CHCHD6: variants seen among roughly 807,000 people sequenced by gnomAD.
CHCHD6 encodes the protein MICOS complex subunit MIC25.
CHCHD6 carries 28 observed loss-of-function variants against 32.3 expected under a neutral mutation model. That is an observed-to-expected ratio of 0.87 (90% CI 0.64 to 1.19). The LOEUF (loss-of-function observed/expected upper bound fraction) is 1.19, where lower values mean the gene tolerates loss of function less well. Ranked by LOEUF, CHCHD6 falls within the 50% of genes most tolerant of loss-of-function variation. The probability of loss-of-function intolerance (pLI) is 0.00; values close to 1 mark genes in which losing one functional copy is unlikely to be tolerated. For synonymous variants in CHCHD6, 122 were observed against 117.5 expected, an observed-to-expected ratio of 1.04 and a Z score of -0.25; for missense variants, 333 against 307.0, an observed-to-expected ratio of 1.08 and a Z score of -0.63.
chr3:126,780,029 CCAATG>C (rs1937856597), intron 4 of CHCHD6, among the ~76,000 whole-genome samples: 1 of 152,174 alleles, frequency 6.6e-6, no homozygotes, highest in Non-Finnish European at 1.5e-5. Context: ...CCAGATCCTG[CCAATG>C]AGCTTATATC....
At chr3:126,764,739 G>A (rs544344911) in intron 4 of CHCHD6, among the ~76,000 whole-genome samples, 12 of 152,246 alleles carry the variant, frequency 7.9e-5, no homozygotes, top group Non-Finnish European at 1.6e-4. Flanking sequence ...CCTGGGTTGC[G>A]TTCCAGGAAA....
intron 1 of CHCHD6, among the ~76,000 whole-genome samples, chr3:126,725,328 A>T (rs1225971745): frequency 6.6e-6 from 1 of 152,212 alleles, no homozygotes; most frequent in African/African-American, 2.4e-5. Context: ...GTGCATTGTC[A>T]AGGAGCAGTA....
chr3:126,957,459 A>T lies in CHCHD6; in HGVS notation c.610A>T (p.Ile204Phe). ...EPVCSGLQAQ[I>F]LHCYRDRPHE... ...CGTCTGCTCAGGGTTGCAGGCCCAG[A>T]TTCTCCACTGCTACCGAGATCGCCC... The change falls in exon 7 of 8, where the codon ATT becomes TTT. Residue 204 changes from isoleucine (I) to phenylalanine (F), a missense_variant. Ile to Phe is a conservative substitution (Grantham distance 21, BLOSUM62 0). Transcript: ENST00000290913. 1 of 1,611,292 alleles carries T rather than the reference A, an allele frequency of 6.2e-7. No homozygotes were observed. The highest frequency in any genetic ancestry group is 2.2e-5 in the East Asian group (1 of 44,710).
chr3:126,723,077 C>A (rs1462410089), intron 1 of CHCHD6, among the ~76,000 whole-genome samples: 5 of 152,194 alleles, frequency 3.3e-5, no homozygotes, highest in African/African-American at 4.8e-5. Context: ...CCCCACTGAA[C>A]CATCTTGGCA....
intron 1 of CHCHD6, among the ~76,000 whole-genome samples, chr3:126,722,886 G>A (rs1451149041): frequency 2.6e-5 from 4 of 152,156 alleles, no homozygotes; most frequent in Non-Finnish European, 5.9e-5. Flanking sequence ...CAAAGCCAAG[G>A]TCATAATGAT....
rs534275898 is a variant in CHCHD6 at position 126,807,492 on chromosome 3, C to T, written c.412-45155C>T. Among the ~76,000 whole-genome samples, 11 of 152,068 alleles carry T rather than the reference C, an allele frequency of 7.2e-5. No homozygotes were observed. In the East Asian group the frequency reaches 1.9e-3, roughly 27 times the overall value. On this transcript the variant is annotated intron_variant, in intron 4 of 7. Transcript: ENST00000290913. ...GAGTAATTAGAACAAAAAGACAAAG[C>T]AATAGAAAATATGAGAGAAACATTA...
intron 4 of CHCHD6, among the ~76,000 whole-genome samples, chr3:126,826,135 G>A (rs1402915214): frequency 6.6e-6 from 1 of 152,162 alleles, no homozygotes; most frequent in Non-Finnish European, 1.5e-5. Flanking sequence ...ATGATTCAAG[G>A]TAACACCAAT....
At chr3:126,815,533 A>G (rs1939850873) in intron 4 of CHCHD6, among the ~76,000 whole-genome samples, 1 of 151,884 alleles carries the variant, frequency 6.6e-6, no homozygotes, top group African/African-American at 2.4e-5. Context: ...CCTCTGTGCC[A>G]TTGCAAGGCC....
chr3:126,729,598 C>T lies in CHCHD6; in HGVS notation c.197-963C>T, dbSNP rs150683872. On this transcript the variant is annotated intron_variant, in intron 2 of 7. Transcript: ENST00000290913. ...CCCCGCAGCAGGCTCCTGAGTTCACCTCAGTTGAGAACCTGGTGTGTTGCT... is the reference window on the plus strand; with the variant it reads ...CCCCGCAGCAGGCTCCTGAGTTCACTTCAGTTGAGAACCTGGTGTGTTGCT... Among the ~76,000 whole-genome samples, 785 of 152,310 alleles carry T rather than the reference C, an allele frequency of 5.2e-3. 9 individuals are homozygous for T. The highest frequency in any genetic ancestry group is 0.018 in the African/African-American group (751 of 41,548).
At chr3:126,886,375 C>G (rs1048318223) in intron 5 of CHCHD6, among the ~76,000 whole-genome samples, 24 of 152,190 alleles carry the variant, frequency 1.6e-4, no homozygotes, top group Non-Finnish European at 4.4e-5. Context: ...GGATCTCCCC[C>G]TCTCCCCCTT....
chr3:126,842,127 G>A (rs1013469504), intron 4 of CHCHD6, among the ~76,000 whole-genome samples: 3 of 152,042 alleles, frequency 2.0e-5, no homozygotes, highest in East Asian at 1.9e-4. Flanking sequence ...GGCAGCATGC[G>A]CCTGTAGTAC....
At chr3:126,726,621 A>G (rs1935547762) in intron 1 of CHCHD6, among the ~76,000 whole-genome samples, 1 of 152,206 alleles carries the variant, frequency 6.6e-6, no homozygotes, top group South Asian at 2.1e-4. Flanking sequence ...CCTGTGCTTC[A>G]CTTGCATGCT....
At chr3:126,960,071 T>TCTC in intron 7 of CHCHD6, 125 bp from the exon 8 acceptor site, 2 of 1,107,132 alleles carry the variant, frequency 1.8e-6, no homozygotes, top group Non-Finnish European at 2.7e-6. Flanking sequence ...GGTCTCCAGG[T>TCTC]GAGGAGGGAG....
intron 6 of CHCHD6, among the ~76,000 whole-genome samples, chr3:126,931,933 G>A (rs753881050): frequency 1.9e-4 from 29 of 152,168 alleles, no homozygotes; most frequent in Non-Finnish European, 3.2e-4. Context: ...ATGAGGAAGT[G>A]AGGCTCAGCT....
chr3:126,730,423 C>T, intron 2 of CHCHD6, 138 bp from the exon 3 acceptor site: 1 of 685,312 alleles, frequency 1.5e-6, no homozygotes, highest in South Asian at 1.9e-5. Context: ...GTGGACGCTC[C>T]TTTGTGGGGA....
chr3:126,863,817 C>T (rs1942088076), intron 5 of CHCHD6, among the ~76,000 whole-genome samples: 1 of 149,796 alleles, frequency 6.7e-6, no homozygotes, highest in Non-Finnish European at 1.5e-5. Context: ...TCATCACCAC[C>T]TCCTCCTCTA....
intron 6 of CHCHD6, among the ~76,000 whole-genome samples, chr3:126,946,889 A>T (rs2078647291): frequency 6.6e-6 from 1 of 152,248 alleles, no homozygotes; most frequent in East Asian, 1.9e-4. Flanking sequence ...TCAGGAGGAC[A>T]TATAATAGCC....
intron 5 of CHCHD6, among the ~76,000 whole-genome samples, chr3:126,892,413 C>T (rs1360393018): frequency 6.6e-6 from 1 of 152,236 alleles, no homozygotes; most frequent in Non-Finnish European, 1.5e-5. Context: ...CACAGCATCC[C>T]CAATAAATGG....
At chr3:126,821,680 A>G (rs1319981041) in intron 4 of CHCHD6, among the ~76,000 whole-genome samples, 2 of 151,754 alleles carry the variant, frequency 1.3e-5, no homozygotes, top group African/African-American at 2.4e-5. Context: ...CCCACATCCC[A>G]CCTCATGCTT....
Sources: gnomAD v4.1 joint callset for allele counts (sites outside exome capture counted in the v4.1 genomes callset) on GRCh38, gnomAD v4.1.1 for gene constraint, MANE v1.5 for transcripts, NCBI Gene and HGNC (gene_info 2026-07-23, HGNC 2026-07-21) for gene names.